The following PRPSAP2 variants were observed in gnomAD, a reference collection of about 807,000 sequenced individuals.
PRPSAP2 encodes phosphoribosyl pyrophosphate synthase-associated protein 2.
A neutral mutation model predicts 40.6 loss-of-function variants in PRPSAP2; 24 were observed. The observed-to-expected ratio is 0.59, with a 90% CI of 0.43 to 0.83. The LOEUF (loss-of-function observed/expected upper bound fraction) is 0.83. PRPSAP2 is among the 40% of genes least tolerant of loss of function. PRPSAP2 has a pLI of 0.00. For synonymous variants in PRPSAP2, 149 were observed against 164.7 expected (o/e 0.90, Z 0.73); for missense variants, 292 against 465.6 (o/e 0.63, Z 3.43).
intron 3 of PRPSAP2, among the ~76,000 whole-genome samples, chr17:18,866,245 A>C (rs1259229312): frequency 6.6e-6 from 1 of 151,228 alleles, no homozygotes; most frequent in African/African-American, 2.4e-5. Context: ...GTTAGATGCT[A>C]TATATATATA....
At chr17:18,908,656 G>T (rs898994519) in intron 8 of PRPSAP2, 2 of 721,380 alleles carry the variant, frequency 2.8e-6, no homozygotes, top group Non-Finnish European at 5.1e-6. Context: ...CTTCGCCAAC[G>T]AGTGCCCCAA....
At chr17:18,886,357 TAC>T (rs1383520276) in intron 7 of PRPSAP2, among the ~76,000 whole-genome samples, 5 of 151,066 alleles carry the variant, frequency 3.3e-5, no homozygotes, top group Non-Finnish European at 5.9e-5. Flanking sequence ...TTGCCATCTA[TAC>T]TTTTTTTTTT....
Position 18,877,805 on chromosome 17 carries a change from A to C in PRPSAP2, c.347A>C (p.Gln116Pro), listed in dbSNP as rs1292425849. 1 of 1,613,820 alleles carries C rather than the reference A, an allele frequency of 6.2e-7. No individual in the cohort carries two copies. The highest frequency in any genetic ancestry group is 8.5e-7 in the Non-Finnish European group (1 of 1,179,854). Reference sequence around the variant, plus strand: ...ATACCCTACTTTCCTTACAGCAAGCAGTGCAAGATGAGAAAAAGAGGCTCC... The same window carrying C: ...ATACCCTACTTTCCTTACAGCAAGCCGTGCAAGATGAGAAAAAGAGGCTCC... ...GVIPYFPYSK[Q>P]CKMRKRGSIV... Residue 116 changes from glutamine (Q) to proline (P), a missense_variant, in exon 6 of 12, where the codon CAG becomes CCG. Physicochemically the swap from Gln to Pro is moderately conservative, Grantham distance 76. Around this residue, in one of 2 missense-constraint regions of PRPSAP2, gnomAD observed 241 missense variants for 425.7 expected, o/e 0.57. Transcript: ENST00000268835.
chr17:18,870,768 C>A (rs1312440894), intron 4 of PRPSAP2, among the ~76,000 whole-genome samples: 1 of 150,436 alleles, frequency 6.6e-6, no homozygotes. Flanking sequence ...GGGATCACGC[C>A]GCTGCACTCC....
At chr17:18,884,953 G>A (rs555019054) in intron 7 of PRPSAP2, among the ~76,000 whole-genome samples, 41 of 152,298 alleles carry the variant, frequency 2.7e-4, no homozygotes, top group African/African-American at 9.4e-4. Context: ...GATGCCCGGT[G>A]GGTGAGCCTA....
At chr17:18,867,014 G>C (rs927899435) in intron 3 of PRPSAP2, among the ~76,000 whole-genome samples, 1 of 152,010 alleles carries the variant, frequency 6.6e-6, no homozygotes, top group East Asian at 1.9e-4. Context: ...TGTGTCTCAG[G>C]AACGTGGGCT....
At chr17:18,929,067 G>C in intron 11 of PRPSAP2, 110 bp downstream of exon 11, 1 of 1,456,946 alleles carries the variant, frequency 6.9e-7, no homozygotes, top group Non-Finnish European at 9.2e-7. Flanking sequence ...GCTGAGAAAC[G>C]ATTCAAGGGC....
intron 5 of PRPSAP2, among the ~76,000 whole-genome samples, chr17:18,874,165 A>G (rs2038103909): frequency 1.3e-5 from 2 of 152,006 alleles, no homozygotes; most frequent in South Asian, 2.1e-4. Flanking sequence ...TTGACCTCCT[A>G]TATTGCTGAG....
chr17:18,860,265 A>AG (rs999196914), intron 1 of PRPSAP2, among the ~76,000 whole-genome samples: 5 of 150,282 alleles, frequency 3.3e-5, no homozygotes, highest in African/African-American at 1.2e-4. Context: ...CTTGTTGACC[A>AG]GGCTGGTCTC....
intron 8 of PRPSAP2, 149 bp downstream of exon 8, chr17:18,890,026 C>A: frequency 1.9e-6 from 1 of 535,724 alleles, no homozygotes; most frequent in Non-Finnish European, 3.0e-6. Context: ...ATTGTTCTGT[C>A]AACTCCATTT....
Position 18,877,716 on chromosome 17 carries a change from C to T in PRPSAP2, c.258C>T (p.Ile86=). The T allele has an allele frequency of 6.2e-7, 1 of 1,609,118 alleles. No homozygotes were observed. Among genetic ancestry groups the T allele is most frequent in the African/African-American group, 1.3e-5 (1 of 74,750 alleles). The change falls in exon 6 of 12, where the codon ATC becomes ATT. Residue 86 remains isoleucine, a synonymous_variant. Coordinates refer to ENST00000268835, the MANE Select transcript of PRPSAP2 (RefSeq NM_002767.4). ...GTTACAGGGACGTGAACACCACCAT[C>T]ATGGAGCTCCTGATCATGGTGTATG... ...QTVSKDVNTT[I]MELLIMVYAC...
chr17:18,930,646 A>T lies in PRPSAP2; in HGVS notation c.1058A>T (p.His353Leu). Residue 353 changes from histidine to leucine, a missense_variant, in exon 12 of 12, where the codon CAC (histidine) becomes CTC (leucine). His to Leu is a moderately conservative substitution (Grantham distance 99). This residue lies in a region of PRPSAP2 where 241 missense variants were observed against 425.7 expected (regional missense o/e 0.57). Coordinates refer to ENST00000268835, the MANE Select transcript of PRPSAP2 (RefSeq NM_002767.4). Reference protein sequence around the residue: ...MILSEAIRRIHNGESMSYLFR... With the variant: ...MILSEAIRRILNGESMSYLFR... ...CTTTCAGAGGCGATCCGTCGGATCC[A>T]CAATGGGGAGTCCATGTCCTACCTT... 1.9e-6 allele frequency: 3 copies of T among 1,613,996 alleles called. No homozygotes were observed. The highest frequency in any genetic ancestry group is 2.5e-6 in the Non-Finnish European group (3 of 1,179,870).
At chr17:18,861,506 A>G (rs1416604886) in intron 1 of PRPSAP2, 1 of 152,044 alleles carries the variant, frequency 6.6e-6, no homozygotes, top group Non-Finnish European at 1.5e-5. Context: ...AACAGCCCTT[A>G]TGTTTGAATA....
intron 1 of PRPSAP2, among the ~76,000 whole-genome samples, chr17:18,861,834 A>G (rs2037043248): frequency 6.6e-6 from 1 of 152,238 alleles, no homozygotes; most frequent in South Asian, 2.1e-4. Context: ...TAAGGAGAGT[A>G]CAAGAACCAG....
intron 6 of PRPSAP2, among the ~76,000 whole-genome samples, chr17:18,878,790 C>T (rs190167996): frequency 1.1e-3 from 171 of 152,308 alleles, no homozygotes; most frequent in Middle Eastern, 0.01. Context: ...CTCCCGACCC[C>T]GCCTCAGACT....
In PRPSAP2 at chr17:18,916,071, G is replaced by A. The variant is rs1362251329; in HGVS notation, c.733+4820G>A. 3.3e-5 allele frequency among the ~76,000 whole-genome samples: 5 copies of A among 151,978 alleles called. No homozygotes were observed. The South Asian group carries it at 6.2e-4, about 19-fold the overall frequency. On this transcript the variant is annotated intron_variant, in intron 9 of 11. Coordinates refer to ENST00000268835, the MANE Select transcript of PRPSAP2 (RefSeq NM_002767.4). ...GAGCTCAGGCAATCTGCCTACCTCGGCCTCCCAAAGTGCTGGGATTACAGG... is the reference window on the plus strand; with the variant it reads ...GAGCTCAGGCAATCTGCCTACCTCGACCTCCCAAAGTGCTGGGATTACAGG...
At chr17:18,879,423 T>C (rs1425053538) in intron 6 of PRPSAP2, among the ~76,000 whole-genome samples, 2 of 152,226 alleles carry the variant, frequency 1.3e-5, no homozygotes, top group Admixed American at 1.3e-4. Context: ...TAGCTGGGAT[T>C]GCAGGCACAC....
intron 8 of PRPSAP2, among the ~76,000 whole-genome samples, chr17:18,890,915 G>A (rs775345463): frequency 2.2e-4 from 34 of 152,184 alleles, no homozygotes; most frequent in Admixed American, 5.9e-4. Flanking sequence ...AGTCAGTAGA[G>A]TGAGTTACAT....
intron 4 of PRPSAP2, among the ~76,000 whole-genome samples, chr17:18,870,338 G>A (rs12951890): frequency 0.17 from 25,735 of 151,676 alleles, 2,349 homozygotes; most frequent in Middle Eastern, 0.24. Flanking sequence ...GGTCAAGACT[G>A]CAGTGAGCCA....
Sources: gnomAD v4.1 joint callset for allele counts (sites outside exome capture counted in the v4.1 genomes callset) on GRCh38, gnomAD v4.1.1 for gene constraint, gnomAD v4.1.1 regional missense constraint, MANE v1.5 for transcripts, NCBI Gene and HGNC (gene_info 2026-07-23, HGNC 2026-07-21) for gene names.